Variants in ZNF638 observed in about 807,000 individuals in gnomAD.
ZNF638 encodes the protein CTCL tumor antigen se33-1.
In ZNF638, 46 loss-of-function variants were observed where a neutral mutation model predicts 195.6. The ratio of observed to expected loss-of-function variants is 0.24; its 90% CI spans 0.19 to 0.30. The LOEUF is 0.30. ZNF638 is among the 10% of genes least tolerant of loss of function. ZNF638 has a pLI of 1.00. For synonymous variants in ZNF638, 845 were observed against 772.0 expected, an observed-to-expected ratio of 1.09 and a Z score of -1.57; for missense variants, 2,440 against 2,325.3, an observed-to-expected ratio of 1.05 and a Z score of -1.01.
Position 71,355,708 on chromosome 2 carries a change from T to C in ZNF638, c.1318-11T>C. On this transcript the variant is annotated splice_polypyrimidine_tract_variant and intron_variant, in intron 2 of 27. Transcript: ENST00000264447. ...TATTCTAATTTCAACACTTTTCTCC[T>C]TTTACAATAGGATTGGATTCAGCAT... 6 of 1,569,432 alleles carry C rather than the reference T, an allele frequency of 3.8e-6. No homozygotes were observed. The South Asian group carries it at 7.1e-5, about 19-fold the overall frequency.
chr2:71,363,519 TACAC>T (rs1247221742), intron 4 of ZNF638, among the ~76,000 whole-genome samples: 1 of 152,198 alleles, frequency 6.6e-6, no homozygotes, highest in Admixed American at 6.5e-5. Flanking sequence ...GTTATGTGTG[TACAC>T]ACACGTACAC....
intron 1 of ZNF638, among the ~76,000 whole-genome samples, chr2:71,337,434 G>A (rs947654285): frequency 6.6e-6 from 1 of 151,908 alleles, no homozygotes; most frequent in African/African-American, 2.4e-5. Context: ...ATTTTTTTGA[G>A]GAAGTGTCTG....
intron 8 of ZNF638, 59 bp downstream of exon 8, chr2:71,370,064 T>A: frequency 6.4e-7 from 1 of 1,555,768 alleles, no homozygotes; most frequent in Non-Finnish European, 8.7e-7. Context: ...AACTTTTTTG[T>A]TTAAGTATGG....
intron 10 of ZNF638, among the ~76,000 whole-genome samples, chr2:71,387,630 C>T (rs1444810403): frequency 6.7e-6 from 1 of 149,948 alleles, no homozygotes; most frequent in East Asian, 2.0e-4. Flanking sequence ...GAGATCATGC[C>T]ACTCAGCCTG....
intron 8 of ZNF638, 98 bp from the exon 9 acceptor site, chr2:71,380,124 T>G (rs1401437606): frequency 1.8e-6 from 1 of 570,606 alleles, no homozygotes; most frequent in Non-Finnish European, 2.9e-6. Flanking sequence ...GTAATAATCA[T>G]GTGTCCTTTA....
chr2:71,342,915 A>G (rs980774300), intron 1 of ZNF638, among the ~76,000 whole-genome samples: 3 of 152,152 alleles, frequency 2.0e-5, no homozygotes, highest in African/African-American at 7.2e-5. Context: ...TGTCAGAAAT[A>G]TGTAGTTAAT....
At chr2:71,393,271 T>G (rs998302625) in intron 10 of ZNF638, 4 of 613,104 alleles carry the variant, frequency 6.5e-6, no homozygotes, top group Non-Finnish European at 1.2e-5. Context: ...AGCACCTTGC[T>G]AAAACCTCTC....
At chr2:71,361,437 C>T (rs901577571) in intron 3 of ZNF638, among the ~76,000 whole-genome samples, 3 of 152,166 alleles carry the variant, frequency 2.0e-5, no homozygotes, top group Admixed American at 6.5e-5. Flanking sequence ...TAAATGACAG[C>T]ACCTATAGTG....
intron 1 of ZNF638, among the ~76,000 whole-genome samples, chr2:71,332,108 C>T (rs2078580821): frequency 6.6e-6 from 1 of 152,192 alleles, no homozygotes; most frequent in African/African-American, 2.4e-5. Context: ...CTTCGCTACC[C>T]GGGAGGGCCC....
At chr2:71,343,356 G>A (rs896308473) in intron 1 of ZNF638, among the ~76,000 whole-genome samples, 2 of 152,114 alleles carry the variant, frequency 1.3e-5, no homozygotes, top group African/African-American at 4.8e-5. Context: ...AAAACAAAAA[G>A]GGGAAAAAGA....
At chr2:71,424,578 G>GTTT in intron 22 of ZNF638, 72 bp from the exon 23 acceptor site, 1 of 1,226,026 alleles carries the variant, frequency 8.2e-7, no homozygotes, top group South Asian at 1.4e-5. Context: ...TTTGTTTTTT[G>GTTT]TTTTTTTTTC....
At chr2:71,411,175 T>C (rs2080213367) in intron 20 of ZNF638, among the ~76,000 whole-genome samples, 2 of 151,002 alleles carry the variant, frequency 1.3e-5, no homozygotes, top group Admixed American at 6.6e-5. Context: ...TTTTTTTGTA[T>C]TTTTAGTAGA....
Position 71,427,798 on chromosome 2 carries a change from T to G in ZNF638, c.5545+384T>G, listed in dbSNP as rs529195997. Among the ~76,000 whole-genome samples the G allele has an allele frequency of 1.3e-3, 193 of 152,336 alleles. 2 individuals are homozygous for G. The highest frequency in any genetic ancestry group is 2.2e-4 in the Non-Finnish European group (15 of 68,030). ...CTTAGACTTAGAATTAAGAACTATT[T>G]ATAAAGGAACTATTTGATTTTAAAG... On this transcript the variant is annotated intron_variant, in intron 24 of 27. Coordinates refer to ENST00000264447, the MANE Select transcript of ZNF638 (RefSeq NM_014497.5).
At position 71,364,055 on chromosome 2, in the gene ZNF638, G is replaced by A. The variant is rs372490251; in HGVS notation, c.1520G>A (p.Arg507Gln). The change falls in exon 5 of 28, where the codon CGG becomes CAG. Residue 507 changes from arginine (R) to glutamine (Q), a missense_variant. Arg to Gln is a conservative substitution (Grantham distance 43). Coordinates refer to ENST00000264447, the MANE Select transcript of ZNF638 (RefSeq NM_014497.5). ...RRSSSSHRFR[R>Q]SRSPMHYMYR... ...TCAAGCTCAAGTCACAGATTCCGTC[G>A]GTCTCGAAGCCCAATGCATTACATG... 30 of 1,613,996 alleles carry A rather than the reference G, an allele frequency of 1.9e-5. No individual in the cohort carries two copies. Among genetic ancestry groups the A allele is most frequent in the Admixed American group, 1.2e-4 (7 of 59,994 alleles).
intron 2 of ZNF638, among the ~76,000 whole-genome samples, chr2:71,350,523 GTTATC>G (rs1305963552): frequency 6.6e-6 from 1 of 152,070 alleles, no homozygotes; most frequent in Non-Finnish European, 1.5e-5. Flanking sequence ...TGAACTTTTA[GTTATC>G]CCACTTACGC....
intron 23 of ZNF638, 150 bp downstream of exon 23, chr2:71,424,865 C>G: frequency 1.6e-6 from 1 of 617,852 alleles, no homozygotes; most frequent in Non-Finnish European, 2.7e-6. Flanking sequence ...TAACTTATCT[C>G]TAATCCTACC....
At chr2:71,404,482 G>T (rs1367573885) in intron 17 of ZNF638, among the ~76,000 whole-genome samples, 1 of 152,130 alleles carries the variant, frequency 6.6e-6, no homozygotes, top group Admixed American at 6.5e-5. Flanking sequence ...GGCTGAGGTG[G>T]GAGGACTGTG....
At position 71,403,967 on chromosome 2, in the gene ZNF638, T is replaced by C. The variant is rs1422601763; in HGVS notation, c.2927T>C (p.Met976Thr). The C allele has an allele frequency of 6.2e-7, 1 of 1,612,766 alleles. No individual in the cohort carries two copies. Among genetic ancestry groups the C allele is most frequent in the South Asian group, 1.1e-5 (1 of 90,882 alleles). The change falls in exon 17 of 28, where the codon ATG (methionine) becomes ACG (threonine). Residue 976 changes from methionine (M) to threonine (T), a missense_variant. By Grantham distance (81) the Met-to-Thr change is moderately conservative. This residue lies in a region of ZNF638 where 1,883 missense variants were observed against 1,739.1 expected (regional missense o/e 1.08). Transcript: ENST00000264447. ...GATGGAAATCAACTCTCAATAAGTA[T>C]GGCTCCTGAAAACATGAATATAAAA... ...LMDGNQLSIS[M>T]APENMNIKDE...
intron 1 of ZNF638, among the ~76,000 whole-genome samples, chr2:71,346,877 C>T (rs1053039324): frequency 2.6e-5 from 4 of 151,904 alleles, no homozygotes; most frequent in Non-Finnish European, 5.9e-5. Flanking sequence ...AAAAATTAGC[C>T]AGGTAGCATG....
Sources: allele counts gnomAD v4.1 joint callset (sites outside exome capture counted in the v4.1 genomes callset), GRCh38; gene constraint gnomAD v4.1.1; regional missense constraint gnomAD v4.1.1; transcripts MANE v1.5; gene names NCBI Gene and HGNC (gene_info 2026-07-23, HGNC 2026-07-21).